PPARGC1A: variants seen among roughly 807,000 people sequenced by gnomAD.
The protein encoded by PPARGC1A is peroxisome proliferator-activated receptor gamma coactivator 1-alpha.
PPARGC1A carries 25 observed loss-of-function variants against 88.7 expected under a neutral mutation model. The observed-to-expected ratio is 0.28, with a 90% confidence interval of 0.21 to 0.39. The LOEUF is 0.39. Among genes scored for constraint, PPARGC1A ranks in the 10% least tolerant of loss-of-function variants. The pLI is 1.00. For missense variants in PPARGC1A, 880 were observed against 968.7 expected, an observed-to-expected ratio of 0.91 and a Z score of 1.22; for synonymous variants, 363 against 355.6, an observed-to-expected ratio of 1.02 and a Z score of -0.24.
chr4:24,002,526 A>G, the PPARGC1A span, among the ~76,000 whole-genome samples: 2 of 152,132 alleles, frequency 1.3e-5, no homozygotes, highest in African/African-American at 2.4e-5. Context: ...AACAGCCGCA[A>G]AGGTTTAAAA....
the PPARGC1A span, among the ~76,000 whole-genome samples, chr4:23,969,718 C>A: frequency 1.3e-5 from 2 of 152,240 alleles, no homozygotes; most frequent in Admixed American, 1.3e-4. Flanking sequence ...AGTCCTAGAC[C>A]TCTGGACATT....
the PPARGC1A span, among the ~76,000 whole-genome samples, chr4:24,389,146 T>A: frequency 6.2e-4 from 95 of 152,298 alleles, 1 homozygote; most frequent in African/African-American, 2.3e-3. Context: ...ATTTTATTTT[T>A]AAAACATTTT....
At chr4:24,376,868 A>T in the PPARGC1A span, among the ~76,000 whole-genome samples, 2 of 152,164 alleles carry the variant, frequency 1.3e-5, no homozygotes, top group South Asian at 4.1e-4. Context: ...TTCAAGGAAA[A>T]TGACTAAATG....
the PPARGC1A span, among the ~76,000 whole-genome samples, chr4:24,310,975 G>C: frequency 6.6e-6 from 1 of 150,842 alleles, no homozygotes; most frequent in Non-Finnish European, 1.5e-5. Context: ...GAGTAAATGT[G>C]ATCTCTCACA....
chr4:24,113,103 T>G, the PPARGC1A span, among the ~76,000 whole-genome samples: 1 of 152,342 alleles, frequency 6.6e-6, no homozygotes, highest in South Asian at 2.1e-4. Context: ...CTTTCTTTAC[T>G]TACAATGACT....
the PPARGC1A span, among the ~76,000 whole-genome samples, chr4:24,242,337 T>G: frequency 6.6e-6 from 1 of 152,204 alleles, no homozygotes; most frequent in Admixed American, 6.5e-5. Flanking sequence ...CCCCCAGCAC[T>G]GGCCCTGTGC....
chr4:24,287,268 C>T, the PPARGC1A span, among the ~76,000 whole-genome samples: 5 of 151,786 alleles, frequency 3.3e-5, no homozygotes, highest in South Asian at 2.1e-4. Context: ...CATTCCCAGT[C>T]GAGAATCACT....
At position 23,814,014 on chromosome 4, in the gene PPARGC1A, C is replaced by T. The variant is rs2109467494; in HGVS notation, c.1469G>A (p.Ser490Asn). Residue 490 changes from serine (S) to asparagine (N), a missense_variant, in exon 8 of 13, where the codon AGT becomes AAT. Physicochemically the swap from Ser to Asn is conservative, Grantham distance 46 (BLOSUM62 1). Transcript: ENST00000264867. ...KTGELRDSDFSNEQFSKLPMF... is the reference protein window; with the variant it reads ...KTGELRDSDFNNEQFSKLPMF... The stretch of plus-strand genomic sequence containing the variant: ...AGGTAGTTTGGAGAATTGTTCATTA[C>T]TGAAATCACTGTCCCTCAGTTCACC... 7 of 1,614,072 alleles carry T rather than the reference C, an allele frequency of 4.3e-6. No individual in the cohort carries two copies. The highest frequency in any genetic ancestry group is 5.9e-6 in the Non-Finnish European group (7 of 1,179,952).
chr4:23,978,656 G>A, the PPARGC1A span, among the ~76,000 whole-genome samples: 106 of 152,192 alleles, frequency 7.0e-4, no homozygotes, highest in Non-Finnish European at 1.3e-3. Context: ...AGTGCACCCT[G>A]CCACTTCATT....
the PPARGC1A span, among the ~76,000 whole-genome samples, chr4:24,466,097 CCTGT>C: frequency 3.3e-5 from 5 of 151,960 alleles, no homozygotes; most frequent in Non-Finnish European, 7.4e-5. Context: ...TTTAGAAGGC[CCTGT>C]CTATCTCTCA....
chr4:24,353,500 G>A, the PPARGC1A span, among the ~76,000 whole-genome samples: 9 of 152,148 alleles, frequency 5.9e-5, 1 homozygote, highest in East Asian at 5.8e-4. Context: ...TTACTGTAGC[G>A]AAAGACTCGG....
chr4:24,434,513 G>A, the PPARGC1A span, among the ~76,000 whole-genome samples: 2 of 152,170 alleles, frequency 1.3e-5, no homozygotes, highest in African/African-American at 2.4e-5. Flanking sequence ...GTTTCCAGGC[G>A]ATATCAGCTG....
chr4:24,290,291 G>T, the PPARGC1A span, among the ~76,000 whole-genome samples: 86 of 152,112 alleles, frequency 5.7e-4, no homozygotes, highest in East Asian at 0.013. Flanking sequence ...CTGTAGTGGT[G>T]ATCTGTGAGA....
chr4:23,842,026 C>A (rs1727141274), intron 2 of PPARGC1A, among the ~76,000 whole-genome samples: 1 of 152,060 alleles, frequency 6.6e-6, no homozygotes, highest in African/African-American at 2.4e-5. Context: ...CATTCTCACT[C>A]CCTTTCTTTA....
the PPARGC1A span, among the ~76,000 whole-genome samples, chr4:24,231,538 T>C: frequency 6.6e-6 from 1 of 152,280 alleles, no homozygotes; most frequent in African/African-American, 2.4e-5. Context: ...ATGGAGTTCA[T>C]GTTTTGGGAC....
chr4:24,163,698 A>G, the PPARGC1A span, among the ~76,000 whole-genome samples: 1 of 152,232 alleles, frequency 6.6e-6, no homozygotes, highest in African/African-American at 2.4e-5. Flanking sequence ...CATTAGGCCA[A>G]CTAGAAGTCA....
chr4:23,964,777 A>G, the PPARGC1A span, among the ~76,000 whole-genome samples: 24 of 152,304 alleles, frequency 1.6e-4, no homozygotes, highest in Middle Eastern at 3.4e-3. Context: ...TGAACAAAGA[A>G]GAATTCTTAA....
At chr4:24,265,119 CTT>C in the PPARGC1A span, among the ~76,000 whole-genome samples, 1 of 151,934 alleles carries the variant, frequency 6.6e-6, no homozygotes, top group East Asian at 1.9e-4. Context: ...ATGGAAAAGA[CTT>C]TGGGAAATGT....
the PPARGC1A span, among the ~76,000 whole-genome samples, chr4:24,099,300 A>G: frequency 6.5e-4 from 98 of 151,642 alleles, no homozygotes; most frequent in South Asian, 0.014. Context: ...AAAAAAAAAA[A>G]AAAAAAAAAG....
Sources: gnomAD v4.1 joint callset for allele counts (sites outside exome capture counted in the v4.1 genomes callset) on GRCh38, gnomAD v4.1.1 for gene constraint, MANE v1.5 for transcripts, NCBI Gene and HGNC (gene_info 2026-07-23, HGNC 2026-07-21) for gene names.